The following LARGE1 variants were observed in gnomAD, a reference collection of about 807,000 sequenced individuals.
LARGE1 encodes LARGE xylosyl- and glucuronyltransferase 1.
Under a neutral mutation model 87.6 loss-of-function variants are expected in LARGE1, and 43 were observed. The observed-to-expected ratio is 0.49, with a 90% confidence interval of 0.38 to 0.63. The LOEUF is 0.63. Ranked by LOEUF, LARGE1 falls within the 30% of genes least tolerant of loss-of-function variation. The pLI is 0.00. For missense variants in LARGE1, 802 were observed against 1,000.2 expected (o/e 0.80, Z 2.67); for synonymous variants, 434 against 394.6 (o/e 1.10, Z -1.18).
At chr22:33,372,254 C>T (rs1345309045) in intron 9 of LARGE1, among the ~76,000 whole-genome samples, 1 of 151,910 alleles carries the variant, frequency 6.6e-6, no homozygotes, top group Non-Finnish European at 1.5e-5. Flanking sequence ...TTACAAAATG[C>T]TGATATGTGA....
chr22:33,691,813 C>A (rs2082108044), intron 2 of LARGE1, among the ~76,000 whole-genome samples: 1 of 152,156 alleles, frequency 6.6e-6, no homozygotes, highest in Non-Finnish European at 1.5e-5. Context: ...CAGCCTTGGC[C>A]TAGGAGGGGT....
chr22:33,583,458 C>T (rs2078579566), intron 5 of LARGE1, among the ~76,000 whole-genome samples: 1 of 152,206 alleles, frequency 6.6e-6, no homozygotes, highest in African/African-American at 2.4e-5. Flanking sequence ...CACTAGGTCA[C>T]TGGACTTGAA....
the LARGE1 span, among the ~76,000 whole-genome samples, chr22:33,112,504 A>G: frequency 6.6e-6 from 1 of 152,238 alleles, no homozygotes; most frequent in Admixed American, 6.5e-5. Flanking sequence ...ATGTTGGCAA[A>G]TATCACAGGG....
intron 7 of LARGE1, among the ~76,000 whole-genome samples, chr22:33,412,129 C>T (rs1197125590): frequency 6.6e-6 from 1 of 152,084 alleles, no homozygotes; most frequent in Admixed American, 6.6e-5. Context: ...ACTAAAAGTA[C>T]AAAAATTAGC....
At chr22:33,882,048 T>G (rs1035644723) in intron 1 of LARGE1, among the ~76,000 whole-genome samples, 1 of 150,112 alleles carries the variant, frequency 6.7e-6, no homozygotes, top group African/African-American at 2.5e-5. Context: ...TTTTTTTGTT[T>G]TTTTTTTTTT....
At chr22:33,541,054 C>CGGGGGGGGGGGGGGGGGGGGG (rs57583473) in intron 6 of LARGE1, among the ~76,000 whole-genome samples, 1 of 13,720 alleles carries the variant, frequency 7.3e-5, no homozygotes, top group Admixed American at 1.1e-3. Flanking sequence ...TGGTGGGTTG[C>CGGGGGGGGGGGGGGGGGGGGG]GGGGGGGGGG....
At chr22:33,233,513 G>A (rs1271579392) in intron 11 of LARGE1, among the ~76,000 whole-genome samples, 1 of 151,930 alleles carries the variant, frequency 6.6e-6, no homozygotes, top group Non-Finnish European at 1.5e-5. Context: ...TTTAGTCTAG[G>A]ATCGAAAAGT....
intron 6 of LARGE1, among the ~76,000 whole-genome samples, chr22:33,511,710 C>T (rs958138461): frequency 4.6e-5 from 7 of 152,192 alleles, no homozygotes; most frequent in Non-Finnish European, 8.8e-5. Flanking sequence ...TTGTGAACTG[C>T]GTCTCTGGCA....
intron 6 of LARGE1, among the ~76,000 whole-genome samples, chr22:33,531,714 A>G (rs1362522630): frequency 1.3e-5 from 2 of 152,172 alleles, no homozygotes; most frequent in Non-Finnish European, 2.9e-5. Flanking sequence ...GAGGAGGGAA[A>G]CCGCCCAGGA....
intron 2 of LARGE1, among the ~76,000 whole-genome samples, chr22:33,739,380 G>A (rs1057491728): frequency 6.6e-6 from 1 of 152,150 alleles, no homozygotes; most frequent in African/African-American, 2.4e-5. Context: ...CAGAATCATA[G>A]CATGAAAAAA....
At chr22:33,306,242 G>C (rs1220311886) in intron 11 of LARGE1, among the ~76,000 whole-genome samples, 1 of 152,076 alleles carries the variant, frequency 6.6e-6, no homozygotes, top group African/African-American at 2.4e-5. Flanking sequence ...CCCTCTCCTG[G>C]GCTCTGATCT....
At chr22:33,537,540 A>G (rs931077776) in intron 6 of LARGE1, among the ~76,000 whole-genome samples, 1 of 152,138 alleles carries the variant, frequency 6.6e-6, no homozygotes, top group South Asian at 2.1e-4. Flanking sequence ...TCGCTTATGT[A>G]AAGTCCCTTT....
rs1027452863 is a variant in LARGE1 at position 33,254,427 on chromosome 22, A to G, written c.1730+49802T>C. 3.4e-4 allele frequency among the ~76,000 whole-genome samples: 52 copies of G among 152,250 alleles called. 1 individual carries two copies. Among genetic ancestry groups the G allele is most frequent in the African/African-American group, 1.3e-3 (52 of 41,468 alleles). On this transcript the variant is annotated intron_variant, in intron 11 of 11. Coordinates refer to the LARGE1 transcript ENST00000608642. ...TTGGTTGCTACAGAGGTTGTGGGTC[A>G]GAGTTCCATTGTCAGATATGGTCTG...
At chr22:33,591,229 G>T (rs1361512548) in intron 5 of LARGE1, among the ~76,000 whole-genome samples, 3 of 152,184 alleles carry the variant, frequency 2.0e-5, no homozygotes, top group Non-Finnish European at 4.4e-5. Flanking sequence ...CTACCAAGCT[G>T]TTTTCTGAAG....
At chr22:33,297,169 G>A (rs540393496) in intron 12 of LARGE1, among the ~76,000 whole-genome samples, 4 of 152,296 alleles carry the variant, frequency 2.6e-5, no homozygotes, top group African/African-American at 9.6e-5. Flanking sequence ...CATTCAACAA[G>A]TATTTATAGA....
In LARGE1 at chr22:33,305,838, C is replaced by CTTTTTTTTTTTTT. The variant is rs200366425; in HGVS notation, c.1452-1332_1452-1331insAAAAAAAAAAAAA. Among the ~76,000 whole-genome samples, 6 of 126,484 alleles carry CTTTTTTTTTTTTT rather than the reference C, an allele frequency of 4.7e-5. 1 individual carries two copies. The highest frequency in any genetic ancestry group is 1.9e-4 in the African/African-American group (6 of 30,922). 83.0% of individuals were successfully genotyped at this position (126,484 alleles called of 152,430 possible). A position where few individuals can be genotyped will look rare whatever the true frequency, so the allele number is the denominator to read the frequency against. On this transcript the variant is annotated intron_variant, in intron 11 of 14. Coordinates refer to ENST00000397394, the MANE Select transcript of LARGE1 (RefSeq NM_133642.5). ...AAATTGACCAGAAACATTTCTTTTT[C>CTTTTTTTTTTTTT]TTTTTCTTTTTTTTTTTTTTGAGGC... is the stretch of plus-strand genomic sequence containing the variant.
chr22:33,358,836 C>T (rs1166329946), intron 9 of LARGE1, among the ~76,000 whole-genome samples: 1 of 151,518 alleles, frequency 6.6e-6, no homozygotes, highest in African/African-American at 2.4e-5. Flanking sequence ...AATACAACAA[C>T]AACAACAAAA....
intron 2 of LARGE1, among the ~76,000 whole-genome samples, chr22:33,666,451 C>T (rs2081270408): frequency 6.6e-6 from 1 of 152,194 alleles, no homozygotes; most frequent in African/African-American, 2.4e-5. Context: ...AGCAGGAGAG[C>T]TACCGCAGAG....
intron 2 of LARGE1, among the ~76,000 whole-genome samples, chr22:33,759,939 G>A (rs2084663067): frequency 1.3e-5 from 2 of 152,112 alleles, no homozygotes; most frequent in South Asian, 4.2e-4. Context: ...CAGGGACAGG[G>A]GTGTGTCACT....
Sources: allele counts gnomAD v4.1 joint callset (sites outside exome capture counted in the v4.1 genomes callset), GRCh38; gene constraint gnomAD v4.1.1; transcripts MANE v1.5; gene names NCBI Gene and HGNC (gene_info 2026-07-23, HGNC 2026-07-21).